The following FAAH2 variants were observed in gnomAD, a reference collection of about 807,000 sequenced individuals.
FAAH2 encodes the protein fatty-acid amide hydrolase 2.
Under a neutral mutation model 36.9 loss-of-function variants are expected in FAAH2, and 60 were observed. The ratio of observed to expected loss-of-function variants is 1.63; its 90% CI spans 1.32 to 2.02. The LOEUF (loss-of-function observed/expected upper bound fraction) is 2.02. Ranked by LOEUF, FAAH2 falls within the 30% of genes most tolerant of loss-of-function variation. The probability of loss-of-function intolerance (pLI) is 0.00; values close to 1 mark genes in which losing one functional copy is unlikely to be tolerated. For synonymous variants in FAAH2, 214 were observed against 143.8 expected (o/e 1.49, Z -3.49); for missense variants, 689 against 397.5 (o/e 1.73, Z -6.23).
chrX:57,377,948 G>T (rs1388531203), intron 5 of FAAH2, among the ~76,000 whole-genome samples: 1 of 111,303 alleles, frequency 9.0e-6, no homozygotes, highest in Non-Finnish European at 1.9e-5. Flanking sequence ...ATCTATTATT[G>T]GTATATTGGA....
chrX:57,417,058 G>A (rs1424129687), intron 7 of FAAH2, among the ~76,000 whole-genome samples: 1 of 111,669 alleles, frequency 9.0e-6, no homozygotes, highest in Admixed American at 9.5e-5. Context: ...TAGTTCTCAT[G>A]CTGTGTTTTT....
intron 4 of FAAH2, among the ~76,000 whole-genome samples, chrX:57,335,879 A>C (rs992057963): frequency 2.7e-5 from 3 of 111,886 alleles, no homozygotes; most frequent in African/African-American, 9.8e-5. Flanking sequence ...GTGATGACTC[A>C]TAGCAAACAT....
intron 7 of FAAH2, 133 bp downstream of exon 7, chrX:57,381,162 AGG>A (rs2054837551): frequency 7.1e-6 from 3 of 420,067 alleles, no homozygotes; most frequent in Non-Finnish European, 1.2e-5. Context: ...AGTTATACTA[AGG>A]AATTTTGGAT....
the FAAH2 span, among the ~76,000 whole-genome samples, chrX:57,194,575 G>GATTT: frequency 9.1e-6 from 1 of 110,145 alleles, no homozygotes; most frequent in Non-Finnish European, 1.9e-5. Context: ...ATTTTATTAA[G>GATTT]ATTTATTTAT....
At chrX:57,386,707 T>G (rs745742115) in intron 7 of FAAH2, among the ~76,000 whole-genome samples, 1 of 111,713 alleles carries the variant, frequency 9.0e-6, no homozygotes, top group African/African-American at 3.2e-5. Context: ...AACCATATTT[T>G]TGCTGGCCTG....
chrX:57,380,207 G>C (rs2054805620), intron 6 of FAAH2, among the ~76,000 whole-genome samples: 1 of 109,933 alleles, frequency 9.1e-6, no homozygotes, highest in Non-Finnish European at 1.9e-5. Context: ...TGGTATTCTA[G>C]AAGGACCTGG....
intron 2 of FAAH2, among the ~76,000 whole-genome samples, chrX:57,295,111 G>A (rs1175343693): frequency 9.0e-6 from 1 of 111,575 alleles, no homozygotes; most frequent in Non-Finnish European, 1.9e-5. Context: ...GGTGTTGCCT[G>A]GCTGCTGCTT....
intron 2 of FAAH2, among the ~76,000 whole-genome samples, chrX:57,308,546 G>A: frequency 8.9e-6 from 1 of 111,825 alleles, no homozygotes; most frequent in Non-Finnish European, 1.9e-5. Context: ...TCTGTTGGAT[G>A]CATAGTTTGT....
At chrX:57,377,904 C>A (rs890757276) in intron 5 of FAAH2, among the ~76,000 whole-genome samples, 9 of 111,651 alleles carry the variant, frequency 8.1e-5, no homozygotes, top group African/African-American at 2.9e-4. Flanking sequence ...TTCTTTTTAG[C>A]AATTGTGAAT....
chrX:57,364,402 T>A (rs760246593), intron 5 of FAAH2, among the ~76,000 whole-genome samples: 2 of 106,280 alleles, frequency 1.9e-5, no homozygotes, highest in South Asian at 8.5e-4. Flanking sequence ...ACATGCAACA[T>A]AATCTTCATC....
chrX:57,423,052 G>A (rs938240950), intron 7 of FAAH2, among the ~76,000 whole-genome samples: 6 of 111,672 alleles, frequency 5.4e-5, no homozygotes, highest in Non-Finnish European at 9.4e-5. Flanking sequence ...TCCAGGCCAC[G>A]AGGGAGCTCC....
chrX:57,441,226 G>A lies in FAAH2; in HGVS notation c.1117-5702G>A, dbSNP rs200811399. Among the ~76,000 whole-genome samples, 209 of 111,282 alleles carry A rather than the reference G, an allele frequency of 1.9e-3. 4 individuals carry two copies. The East Asian group carries it at 0.035, about 19-fold the overall frequency. ...TCTGGTAGAATTCGGCTATGAATCT[G>A]TCTGGTTCTGGATTTTTTTTGTTGG... On this transcript the variant is annotated intron_variant, in intron 8 of 10. Coordinates refer to ENST00000374900, the MANE Select transcript of FAAH2 (RefSeq NM_174912.4).
the FAAH2 span, among the ~76,000 whole-genome samples, chrX:57,171,284 A>G: frequency 1.8e-5 from 2 of 111,418 alleles, no homozygotes; most frequent in Non-Finnish European, 3.8e-5. Flanking sequence ...CAGTAGTGGG[A>G]TTGCTGGATC....
At chrX:57,419,324 A>T (rs1181321377) in intron 7 of FAAH2, among the ~76,000 whole-genome samples, 1 of 110,876 alleles carries the variant, frequency 9.0e-6, no homozygotes, top group Non-Finnish European at 1.9e-5. Flanking sequence ...ACTAGTTTAC[A>T]GTCCCACCAA....
intron 10 of FAAH2, chrX:57,452,450 T>C: frequency 2.9e-6 from 1 of 340,633 alleles, no homozygotes; most frequent in Non-Finnish European, 3.8e-6. Context: ...CTTGGTCACC[T>C]CCCCAATTGA....
intron 7 of FAAH2, among the ~76,000 whole-genome samples, chrX:57,401,236 C>T (rs2055427594): frequency 8.9e-6 from 1 of 112,019 alleles, no homozygotes; most frequent in Admixed American, 9.4e-5. Context: ...ACAAGAGTGT[C>T]CAGGTATGAG....
chrX:57,420,724 C>A (rs943066026), intron 7 of FAAH2, among the ~76,000 whole-genome samples: 7 of 107,800 alleles, frequency 6.5e-5, no homozygotes, highest in African/African-American at 1.3e-4. Context: ...CCTTCTCCTG[C>A]CTAATTGCCC....
At chrX:57,454,167 G>A (rs910003577) in intron 10 of FAAH2, among the ~76,000 whole-genome samples, 9 of 111,837 alleles carry the variant, frequency 8.0e-5, no homozygotes, top group Admixed American at 7.6e-4. Context: ...ACTCTTAAGC[G>A]CCACCTGCTG....
At chrX:57,338,679 A>G (rs1423171938) in intron 4 of FAAH2, among the ~76,000 whole-genome samples, 1 of 111,227 alleles carries the variant, frequency 9.0e-6, no homozygotes, top group Non-Finnish European at 1.9e-5. Context: ...AAAGAATACG[A>G]TACCTAAGAA....
Sources: gnomAD v4.1 joint callset for allele counts (sites outside exome capture counted in the v4.1 genomes callset) on GRCh38, gnomAD v4.1.1 for gene constraint, MANE v1.5 for transcripts, NCBI Gene and HGNC (gene_info 2026-07-23, HGNC 2026-07-21) for gene names.